The following GABRB2 variants were observed in gnomAD, a reference collection of about 807,000 sequenced individuals.
GABRB2 encodes gamma-aminobutyric acid type A receptor subunit beta2, also known as gamma-aminobutyric acid receptor subunit beta-2.
In GABRB2, 16 loss-of-function variants were observed where a neutral mutation model predicts 54.7. The observed-to-expected ratio is 0.29, with a 90% CI of 0.20 to 0.44. The LOEUF (loss-of-function observed/expected upper bound fraction) is 0.44, where lower values mean the gene tolerates loss of function less well. Among genes scored for constraint, GABRB2 ranks in the 20% least tolerant of loss-of-function variants. The pLI, the probability that GABRB2 is intolerant of heterozygous loss-of-function variation, is 1.00. For synonymous variants in GABRB2, 244 were observed against 233.8 expected (o/e 1.04, Z -0.40); for missense variants, 355 against 644.0 (o/e 0.55, Z 4.86).
At chr5:161,528,115 T>C (rs1452044591) in intron 3 of GABRB2, among the ~76,000 whole-genome samples, 1 of 151,760 alleles carries the variant, frequency 6.6e-6, no homozygotes, top group Non-Finnish European at 1.5e-5. Flanking sequence ...GGGAATTCTA[T>C]GCAACTGTTA....
At chr5:161,304,645 A>C (rs1757628864) in intron 9 of GABRB2, among the ~76,000 whole-genome samples, 1 of 151,522 alleles carries the variant, frequency 6.6e-6, no homozygotes, top group African/African-American at 2.4e-5. Flanking sequence ...TTTATGTGGA[A>C]TTCATTAAGA....
intron 5 of GABRB2, among the ~76,000 whole-genome samples, chr5:161,370,386 G>T (rs1312139242): frequency 6.6e-6 from 1 of 152,182 alleles, no homozygotes; most frequent in East Asian, 1.9e-4. Context: ...TTCTGCAGAA[G>T]TAGAGTTGAA....
chr5:161,546,354 C>A lies in GABRB2; in HGVS notation c.137G>T (p.Gly46Val). ...ATCTGGTCTCAGACGAATGTCATAG[C>A]CTTTCAGGAGTCTATCCACCGTCTC... ...VKETVDRLLK[G>V]YDIRLRPDFG... Residue 46 changes from glycine (G) to valine (V), a missense_variant, in exon 2 of 10, where the codon GGC becomes GTC. Gly to Val is a moderately radical substitution (Grantham distance 109). Around this residue, in one of 6 missense-constraint regions of GABRB2, gnomAD observed 42 missense variants for 99.7 expected, o/e 0.42. Coordinates refer to ENST00000393959, the MANE Select transcript of GABRB2 (RefSeq NM_001371727.1). 6.2e-7 allele frequency: 1 copy of A among 1,614,142 alleles called. No individual in the cohort carries two copies. Among genetic ancestry groups the A allele is most frequent in the Non-Finnish European group, 8.5e-7 (1 of 1,180,018 alleles).
chr5:161,518,044 G>A (rs1454708744), intron 3 of GABRB2, among the ~76,000 whole-genome samples: 2 of 152,088 alleles, frequency 1.3e-5, no homozygotes, highest in East Asian at 1.9e-4. Flanking sequence ...TCCTGACCTC[G>A]TGATCGGCCC....
intron 4 of GABRB2, among the ~76,000 whole-genome samples, chr5:161,452,060 T>C (rs1757804461): frequency 6.6e-6 from 1 of 152,208 alleles, no homozygotes; most frequent in African/African-American, 2.4e-5. Flanking sequence ...AGCCAACTTA[T>C]ATTTAGATTC....
intron 5 of GABRB2, among the ~76,000 whole-genome samples, chr5:161,408,855 T>C (rs1174990630): frequency 1.3e-5 from 2 of 151,764 alleles, no homozygotes; most frequent in South Asian, 2.1e-4. Flanking sequence ...TAGGGTATGA[T>C]TAAAGTAAAG....
intron 3 of GABRB2, among the ~76,000 whole-genome samples, chr5:161,514,395 G>T (rs899963195): frequency 4.6e-5 from 7 of 152,094 alleles, no homozygotes; most frequent in Non-Finnish European, 8.8e-5. Flanking sequence ...ATGTTGACTT[G>T]ATTATTGTTT....
chr5:161,395,317 A>C (rs1412198322), intron 5 of GABRB2, among the ~76,000 whole-genome samples: 2 of 152,126 alleles, frequency 1.3e-5, no homozygotes, highest in East Asian at 3.9e-4. Context: ...GTTTGAAGGC[A>C]AAAAAGAAAG....
intron 5 of GABRB2, among the ~76,000 whole-genome samples, chr5:161,391,695 AG>A (rs1246683865): frequency 2.6e-5 from 4 of 152,220 alleles, no homozygotes; most frequent in African/African-American, 4.8e-5. Flanking sequence ...GCAAAATGTA[AG>A]TAAACATGTT....
chr5:161,493,356 G>A (rs971916617), intron 3 of GABRB2, among the ~76,000 whole-genome samples: 71 of 151,300 alleles, frequency 4.7e-4, no homozygotes, highest in African/African-American at 1.6e-3. Context: ...CCAACCCCCC[G>A]CAACAATTCT....
At chr5:161,524,994 C>T (rs1053660746) in intron 3 of GABRB2, among the ~76,000 whole-genome samples, 11 of 151,202 alleles carry the variant, frequency 7.3e-5, no homozygotes, top group African/African-American at 2.2e-4. Context: ...TGTTTATATA[C>T]AAAGTACTTT....
At chr5:161,381,834 G>A (rs2113484453) in intron 5 of GABRB2, among the ~76,000 whole-genome samples, 1 of 152,268 alleles carries the variant, frequency 6.6e-6, no homozygotes, top group South Asian at 2.1e-4. Context: ...CTTCTGAGCT[G>A]TTTCCTCATC....
At chr5:161,383,475 C>A (rs1755531315) in intron 5 of GABRB2, among the ~76,000 whole-genome samples, 1 of 151,988 alleles carries the variant, frequency 6.6e-6, no homozygotes, top group Non-Finnish European at 1.5e-5. Flanking sequence ...GAAGTATTAT[C>A]ACTTCATGCC....
At chr5:161,396,207 G>A (rs1427542665) in intron 5 of GABRB2, among the ~76,000 whole-genome samples, 2 of 152,106 alleles carry the variant, frequency 1.3e-5, no homozygotes, top group Non-Finnish European at 1.5e-5. Context: ...ATCAGGAAGT[G>A]GAAAGCCACA....
intron 5 of GABRB2, among the ~76,000 whole-genome samples, chr5:161,370,558 G>A (rs891917707): frequency 6.6e-6 from 1 of 152,094 alleles, no homozygotes; most frequent in African/African-American, 2.4e-5. Context: ...ACTTCCTATG[G>A]GCTCTGGATC....
rs537308552 is a variant in GABRB2, at chr5:161,335,314, C to T, written c.680-410G>A. On this transcript the variant is annotated intron_variant, in intron 6 of 9. Transcript: ENST00000393959. ...TAGTAAAAGAAAACTCTTCTCAAGA[C>T]ACAGATTGCAGTTTAAGTCTGTGAT... Among the ~76,000 whole-genome samples, 11 of 152,264 alleles carry T rather than the reference C, an allele frequency of 7.2e-5. No homozygotes were observed. In the East Asian group the frequency reaches 1.9e-3, roughly 27 times the overall value.
In GABRB2 at chr5:161,357,300, G is replaced by A. The variant is rs189279903; in HGVS notation, c.542-20531C>T. Among the ~76,000 whole-genome samples, 141 of 152,248 alleles carry A rather than the reference G, an allele frequency of 9.3e-4. 1 individual carries two copies. The highest frequency in any genetic ancestry group is 3.4e-3 in the Middle Eastern group (1 of 294). On this transcript the variant is annotated intron_variant, in intron 5 of 9. Coordinates refer to ENST00000393959, the MANE Select transcript of GABRB2 (RefSeq NM_001371727.1). ...TATCTATAGAAAGGCATCCGAGGTA[G>A]AGAGGGCAGCCAGTGCAAAGGACCA... is the stretch of plus-strand genomic sequence containing the variant.
intron 3 of GABRB2, among the ~76,000 whole-genome samples, chr5:161,500,164 G>C (rs148294363): frequency 0.015 from 2,275 of 152,264 alleles, 32 homozygotes; most frequent in Non-Finnish European, 0.024. Flanking sequence ...GAATGGCACT[G>C]AGGATATGGA....
At chr5:161,350,027 A>C (rs1276841204) in intron 5 of GABRB2, among the ~76,000 whole-genome samples, 1 of 152,090 alleles carries the variant, frequency 6.6e-6, no homozygotes, top group Non-Finnish European at 1.5e-5. Context: ...CATAATAATA[A>C]CTCTTAGCAA....
Sources: allele counts gnomAD v4.1 joint callset (sites outside exome capture counted in the v4.1 genomes callset), GRCh38; gene constraint gnomAD v4.1.1; regional missense constraint gnomAD v4.1.1; transcripts MANE v1.5; gene names NCBI Gene and HGNC (gene_info 2026-07-23, HGNC 2026-07-21).